Variants in PDGFD observed in about 807,000 individuals in gnomAD.
The protein encoded by PDGFD is platelet-derived growth factor D.
PDGFD carries 30 observed loss-of-function variants against 44.7 expected under a neutral mutation model. The observed-to-expected ratio is 0.67, with a 90% CI of 0.50 to 0.91. The LOEUF (loss-of-function observed/expected upper bound fraction) is 0.91. PDGFD is among the 40% of genes least tolerant of loss of function. The probability of loss-of-function intolerance (pLI) is 0.00; values close to 1 mark genes in which losing one functional copy is unlikely to be tolerated. For missense variants in PDGFD, 445 were observed against 457.8 expected (o/e 0.97, Z 0.25); for synonymous variants, 173 against 168.4 (o/e 1.03, Z -0.21).
chr11:103,985,141 T>TAATATATATTAATACAC (rs1859342413), intron 3 of PDGFD, among the ~76,000 whole-genome samples: 1 of 141,336 alleles, frequency 7.1e-6, no homozygotes, highest in African/African-American at 2.6e-5. Flanking sequence ...ATTTAATATA[T>TAATATATATTAATACAC]AATATATTAA....
intron 1 of PDGFD, among the ~76,000 whole-genome samples, chr11:104,102,098 G>C (rs531041408): frequency 6.6e-6 from 1 of 152,248 alleles, no homozygotes; most frequent in Admixed American, 6.5e-5. Flanking sequence ...AAACTAAAAA[G>C]CTTCTGCACG....
chr11:104,111,664 A>G (rs766594248), intron 1 of PDGFD, among the ~76,000 whole-genome samples: 2 of 152,292 alleles, frequency 1.3e-5, no homozygotes, highest in Non-Finnish European at 2.9e-5. Context: ...CTAGGAAAAA[A>G]TAAAGTAATG....
intron 3 of PDGFD, among the ~76,000 whole-genome samples, chr11:103,965,104 T>G (rs914932023): frequency 2.0e-5 from 3 of 152,122 alleles, no homozygotes; most frequent in Middle Eastern, 3.4e-3. Flanking sequence ...GGAAAACTTT[T>G]TATTTTATGT....
chr11:103,914,699 T>C (rs1326692283), intron 6 of PDGFD, among the ~76,000 whole-genome samples: 1 of 152,158 alleles, frequency 6.6e-6, no homozygotes, highest in African/African-American at 2.4e-5. Flanking sequence ...AAATCCTCAA[T>C]AAAATACTGG....
intron 1 of PDGFD, among the ~76,000 whole-genome samples, chr11:104,132,770 T>C (rs1861942580): frequency 6.6e-6 from 1 of 152,118 alleles, no homozygotes; most frequent in Admixed American, 6.5e-5. Flanking sequence ...AGATTATGAG[T>C]ACAATTAGTT....
chr11:104,010,673 G>C (rs260843), intron 1 of PDGFD, among the ~76,000 whole-genome samples: 106,957 of 151,914 alleles, frequency 0.7, 37,727 homozygotes, highest in Admixed American at 0.77. Context: ...AATAACCATG[G>C]TAGATTTTAT....
intron 5 of PDGFD, among the ~76,000 whole-genome samples, chr11:103,942,360 T>C (rs1858598331): frequency 6.6e-6 from 1 of 152,148 alleles, no homozygotes; most frequent in Non-Finnish European, 1.5e-5. Context: ...CTATATTTCA[T>C]ATCTTTATTA....
intron 1 of PDGFD, among the ~76,000 whole-genome samples, chr11:104,081,332 T>C (rs1268995938): frequency 6.6e-6 from 1 of 152,196 alleles, no homozygotes; most frequent in East Asian, 1.9e-4. Context: ...TAGAGTTGCA[T>C]TTTCAGGCTC....
chr11:104,114,022 A>G (rs966175667), intron 1 of PDGFD, among the ~76,000 whole-genome samples: 3 of 152,136 alleles, frequency 2.0e-5, no homozygotes, highest in Admixed American at 2.0e-4. Flanking sequence ...TATTTTACAA[A>G]TATCTTCTCC....
At chr11:104,095,090 C>T (rs1177539105) in intron 1 of PDGFD, among the ~76,000 whole-genome samples, 1 of 152,238 alleles carries the variant, frequency 6.6e-6, no homozygotes, top group South Asian at 2.1e-4. Flanking sequence ...ACCTTATTCA[C>T]CTCCACTTAC....
chr11:104,011,907 T>A (rs1462171269), intron 1 of PDGFD, among the ~76,000 whole-genome samples: 1 of 152,134 alleles, frequency 6.6e-6, no homozygotes, highest in Non-Finnish European at 1.5e-5. Context: ...GAAGATGTAT[T>A]AAAGTAAAAA....
chr11:103,944,710 C>T (rs965731827), intron 4 of PDGFD, among the ~76,000 whole-genome samples: 14 of 152,262 alleles, frequency 9.2e-5, no homozygotes, highest in Admixed American at 7.2e-4. Flanking sequence ...TATAACCTTA[C>T]TCTCAGGCAA....
chr11:103,917,030 T>C (rs1166539692), intron 6 of PDGFD, among the ~76,000 whole-genome samples: 6 of 152,060 alleles, frequency 3.9e-5, no homozygotes, highest in Non-Finnish European at 5.9e-5. Flanking sequence ...GGCACATGTA[T>C]ACCTATGTAA....
chr11:104,053,083 C>A (rs1860566888), intron 1 of PDGFD, among the ~76,000 whole-genome samples: 1 of 152,088 alleles, frequency 6.6e-6, no homozygotes, highest in African/African-American at 2.4e-5. Flanking sequence ...CAAATACTTT[C>A]TTATTATGAA....
intron 1 of PDGFD, among the ~76,000 whole-genome samples, chr11:104,030,211 T>G (rs890093961): frequency 6.6e-6 from 1 of 152,178 alleles, no homozygotes; most frequent in Non-Finnish European, 1.5e-5. Context: ...ACTCTGAAAT[T>G]TCAAACATTT....
intron 1 of PDGFD, among the ~76,000 whole-genome samples, chr11:104,089,498 T>C (rs144530794): frequency 3.8e-4 from 58 of 152,270 alleles, no homozygotes; most frequent in African/African-American, 1.3e-3. Context: ...TCCAAGTTTA[T>C]ACATAGGAAA....
intron 1 of PDGFD, among the ~76,000 whole-genome samples, chr11:104,121,883 C>CA (rs1452490882): frequency 1.3e-5 from 2 of 151,962 alleles, no homozygotes; most frequent in Non-Finnish European, 2.9e-5. Flanking sequence ...TTTCATTCTT[C>CA]AAAAAATCCT....
intron 1 of PDGFD, among the ~76,000 whole-genome samples, chr11:104,061,563 G>A (rs1383927461): frequency 2.0e-5 from 3 of 152,154 alleles, no homozygotes; most frequent in African/African-American, 4.8e-5. Context: ...AATACAGTGT[G>A]TGTATGTTTG....
At chr11:103,930,333 G>C (rs1858382065) in intron 5 of PDGFD, among the ~76,000 whole-genome samples, 1 of 152,116 alleles carries the variant, frequency 6.6e-6, no homozygotes, top group South Asian at 2.1e-4. Flanking sequence ...GCTGGGATCT[G>C]AGCTCTAGAA....
Sources: gnomAD v4.1 joint callset for allele counts (sites outside exome capture counted in the v4.1 genomes callset) on GRCh38, gnomAD v4.1.1 for gene constraint, MANE v1.5 for transcripts, NCBI Gene and HGNC (gene_info 2026-07-23, HGNC 2026-07-21) for gene names.